Variants in ROBO2 observed in about 807,000 individuals in gnomAD.
ROBO2 encodes the protein roundabout guidance receptor 2.
A neutral mutation model predicts 160.8 loss-of-function variants in ROBO2; 53 were observed. The observed-to-expected ratio is 0.33, with a 90% confidence interval of 0.26 to 0.41. The LOEUF (loss-of-function observed/expected upper bound fraction) is 0.41, where lower values mean the gene tolerates loss of function less well. Among genes scored for constraint, ROBO2 ranks in the 10% least tolerant of loss-of-function variants. The pLI is 1.00. For missense variants in ROBO2, 1,577 were observed against 1,722.4 expected, an observed-to-expected ratio of 0.92 and a Z score of 1.49; for synonymous variants, 664 against 611.7, an observed-to-expected ratio of 1.09 and a Z score of -1.26.
At chr3:76,987,565 T>C (rs2060449574) in intron 2 of ROBO2, among the ~76,000 whole-genome samples, 1 of 152,184 alleles carries the variant, frequency 6.6e-6, no homozygotes, top group Non-Finnish European at 1.5e-5. Context: ...TGCAAAGGAC[T>C]TTATGCCATC....
At chr3:77,438,515 G>C (rs2079559921) in intron 2 of ROBO2, among the ~76,000 whole-genome samples, 1 of 151,208 alleles carries the variant, frequency 6.6e-6, no homozygotes, top group Non-Finnish European at 1.5e-5. Flanking sequence ...ATCTGAAAAA[G>C]AGTGTGTATT....
chr3:76,697,863 G>C (rs1293786529), intron 2 of ROBO2, among the ~76,000 whole-genome samples: 1 of 152,114 alleles, frequency 6.6e-6, no homozygotes, highest in African/African-American at 2.4e-5. Context: ...TGAGGGAACT[G>C]TGATAGTCTA....
intron 2 of ROBO2, among the ~76,000 whole-genome samples, chr3:77,118,362 A>T (rs2150240480): frequency 6.6e-6 from 1 of 152,330 alleles, no homozygotes; most frequent in South Asian, 2.1e-4. Context: ...TCAGATTAGA[A>T]TATGAGTTTG....
intron 2 of ROBO2, among the ~76,000 whole-genome samples, chr3:77,183,956 T>A (rs973700993): frequency 2.4e-4 from 36 of 152,106 alleles, no homozygotes; most frequent in African/African-American, 8.2e-4. Flanking sequence ...AACCACCATA[T>A]ATTTCACATT....
intron 2 of ROBO2, among the ~76,000 whole-genome samples, chr3:77,250,500 C>T (rs549713398): frequency 1.5e-4 from 23 of 152,292 alleles, no homozygotes; most frequent in African/African-American, 5.5e-4. Context: ...CAGTCAAAGT[C>T]TGTGTGTGCC....
At chr3:76,756,040 G>A (rs2060949783) in intron 2 of ROBO2, among the ~76,000 whole-genome samples, 1 of 151,752 alleles carries the variant, frequency 6.6e-6, no homozygotes, top group African/African-American at 2.4e-5. Flanking sequence ...TTAGCTTTGA[G>A]TATGTGGCAA....
chr3:76,005,162 C>A (rs546012053), intron 2 of ROBO2, among the ~76,000 whole-genome samples: 1 of 152,154 alleles, frequency 6.6e-6, no homozygotes. Flanking sequence ...ATTGCCCAGT[C>A]TCTTATATTC....
intron 2 of ROBO2, among the ~76,000 whole-genome samples, chr3:76,781,061 CTATT>C (rs935006594): frequency 2.0e-5 from 3 of 150,646 alleles, no homozygotes; most frequent in African/African-American, 7.3e-5. Context: ...AAATATTTTT[CTATT>C]TATTTGTGTC....
chr3:77,098,042 C>T lies in ROBO2; in HGVS notation c.90C>T (p.Pro30=), dbSNP rs771730147. The T allele has an allele frequency of 3.2e-6, 5 of 1,583,246 alleles. No individual in the cohort carries two copies. The South Asian group carries it at 5.6e-5, about 18-fold the overall frequency. Residue 30 remains proline, a synonymous_variant, in exon 2 of 26, where the codon CCC becomes CCT. Transcript: ENST00000461745. Reference sequence around the variant, plus strand: ...CGCGTCTTCGCCAGGAGGACTTTCCCCCGCGGATTGTGGAGCATCCTTCCG... The same window carrying T: ...CGCGTCTTCGCCAGGAGGACTTTCCTCCGCGGATTGTGGAGCATCCTTCCG...
chr3:77,277,157 C>T (rs199622595), intron 2 of ROBO2, among the ~76,000 whole-genome samples: 2,164 of 88,076 alleles, frequency 0.025, 58 homozygotes, highest in East Asian at 0.05. Context: ...TCCTTCTTTC[C>T]TTCTTTCTTT....
intron 3 of ROBO2, 39 bp downstream of exon 3, chr3:77,477,610 T>C: frequency 1.8e-4 from 252 of 1,392,810 alleles, no homozygotes; most frequent in Non-Finnish European, 2.4e-4. Context: ...GAGATTGAAT[T>C]TTCAGTCTCA....
chr3:77,421,082 C>T (rs1292085910), intron 2 of ROBO2, among the ~76,000 whole-genome samples: 1 of 152,068 alleles, frequency 6.6e-6, no homozygotes, highest in Non-Finnish European at 1.5e-5. Context: ...GGAAAAATCA[C>T]ATTAGAAGTG....
At chr3:77,551,063 G>A (rs2092903143) in intron 8 of ROBO2, 74 bp downstream of exon 9, 8 of 1,506,188 alleles carry the variant, frequency 5.3e-6, no homozygotes, top group African/African-American at 4.1e-5. Flanking sequence ...ACCATGTGGA[G>A]TTTGCTGATT....
chr3:76,528,191 A>AT (rs1179544251), intron 2 of ROBO2, among the ~76,000 whole-genome samples: 1 of 152,142 alleles, frequency 6.6e-6, no homozygotes, highest in Non-Finnish European at 1.5e-5. Context: ...CCAAGGCCTC[A>AT]TTTTTACTGC....
At chr3:76,787,186 T>C (rs1465179409) in intron 2 of ROBO2, among the ~76,000 whole-genome samples, 3 of 151,240 alleles carry the variant, frequency 2.0e-5, no homozygotes, top group African/African-American at 7.3e-5. Context: ...AACATGAGAT[T>C]TGGGTGGGGA....
At chr3:76,943,702 C>CT (rs201248243) in intron 2 of ROBO2, among the ~76,000 whole-genome samples, 22 of 151,748 alleles carry the variant, frequency 1.4e-4, no homozygotes, top group African/African-American at 1.9e-4. Flanking sequence ...TGTATCAGTA[C>CT]TTTTTTTTTC....
At chr3:76,481,613 T>G (rs1378159283) in intron 2 of ROBO2, among the ~76,000 whole-genome samples, 1 of 152,158 alleles carries the variant, frequency 6.6e-6, no homozygotes, top group East Asian at 1.9e-4. Context: ...TGCATCAGCA[T>G]CATCTGGGAG....
intron 1 of ROBO2, among the ~76,000 whole-genome samples, chr3:77,062,399 T>G (rs1344922967): frequency 6.6e-6 from 1 of 152,008 alleles, no homozygotes; most frequent in Non-Finnish European, 1.5e-5. Flanking sequence ...CAAACCTAGT[T>G]CAGATTTTTA....
chr3:76,459,913 TA>T (rs1412453014), intron 2 of ROBO2, among the ~76,000 whole-genome samples: 2 of 152,154 alleles, frequency 1.3e-5, no homozygotes, highest in Non-Finnish European at 2.9e-5. Context: ...ATGTGTGGTT[TA>T]ACAAATGAAC....
Sources: gnomAD v4.1 joint callset for allele counts (sites outside exome capture counted in the v4.1 genomes callset) on GRCh38, gnomAD v4.1.1 for gene constraint, MANE v1.5 for transcripts, NCBI Gene and HGNC (gene_info 2026-07-23, HGNC 2026-07-21) for gene names.